PHF20: variants seen among roughly 807,000 people sequenced by gnomAD.
PHF20 encodes the protein PHD finger protein 20.
PHF20 carries 23 observed loss-of-function variants against 113.5 expected under a neutral mutation model. The observed-to-expected ratio is 0.20, with a 90% CI of 0.15 to 0.29. The LOEUF is 0.29. PHF20 is among the 10% of genes least tolerant of loss of function. PHF20 has a pLI of 1.00. For missense variants in PHF20, 943 were observed against 1,219.6 expected (o/e 0.77, Z 3.38); for synonymous variants, 434 against 457.3 (o/e 0.95, Z 0.65).
intron 8 of PHF20, 68 bp downstream of exon 8, chr20:35,871,202 AT>A: frequency 1.6e-6 from 2 of 1,244,914 alleles, no homozygotes; most frequent in Non-Finnish European, 1.1e-6. Context: ...AATGTAAATC[AT>A]TATGTTCTGC....
chr20:35,931,414 A>G lies in PHF20; in HGVS notation c.2270A>G (p.His757Arg), dbSNP rs752903135. ...GDVQRVIEVL[H>R]GLQLKMSILQ... Reference sequence around the variant, plus strand: ...GTGCAGAGAGTGATTGAGGTTCTGCATGGCCTGCAGCTCAAGATGAGCATC... The same window carrying G: ...GTGCAGAGAGTGATTGAGGTTCTGCGTGGCCTGCAGCTCAAGATGAGCATC... Residue 757 changes from histidine to arginine, a missense_variant, in exon 15 of 18, where the codon CAT (histidine) becomes CGT (arginine). Around this residue, in one of 3 missense-constraint regions of PHF20, gnomAD observed 349 missense variants for 412.3 expected, o/e 0.85. Transcript: ENST00000374012. 3.1e-6 allele frequency: 5 copies of G among 1,613,430 alleles called. No homozygotes were observed. Among genetic ancestry groups the G allele is most frequent in the South Asian group, 1.1e-5 (1 of 91,074 alleles).
At chr20:35,798,673 C>G (rs1340011400) in intron 1 of PHF20, among the ~76,000 whole-genome samples, 1 of 151,984 alleles carries the variant, frequency 6.6e-6, no homozygotes, top group Non-Finnish European at 1.5e-5. Context: ...AGGCTGGTCT[C>G]AAACTCCTGA....
intron 17 of PHF20, 85 bp downstream of exon 17, chr20:35,941,132 G>A: frequency 9.2e-7 from 1 of 1,086,950 alleles, no homozygotes; most frequent in South Asian, 1.5e-5. Context: ...CCCAGTCTGA[G>A]TTTACAGGGA....
At chr20:35,844,126 G>T (rs996783991) in intron 3 of PHF20, among the ~76,000 whole-genome samples, 3 of 151,492 alleles carry the variant, frequency 2.0e-5, no homozygotes, top group South Asian at 2.1e-4. Context: ...TTTTTGAGAC[G>T]GGGTCTTGCT....
intron 4 of PHF20, among the ~76,000 whole-genome samples, chr20:35,851,772 T>A (rs1310955145): frequency 6.6e-6 from 1 of 151,870 alleles, no homozygotes; most frequent in African/African-American, 2.4e-5. Flanking sequence ...AAAATTAACC[T>A]GGCGTGGTAG....
chr20:35,805,419 G>C (rs1036621924), intron 2 of PHF20, among the ~76,000 whole-genome samples: 4 of 149,592 alleles, frequency 2.7e-5, no homozygotes, highest in Non-Finnish European at 4.4e-5. Flanking sequence ...GTCTTGCTCT[G>C]TCGCCCAGGC....
intron 10 of PHF20, among the ~76,000 whole-genome samples, chr20:35,904,457 G>A (rs966484140): frequency 6.6e-6 from 1 of 151,626 alleles, no homozygotes; most frequent in Non-Finnish European, 1.5e-5. Context: ...GCTAATTTTT[G>A]TATTTTTAGT....
At chr20:35,842,330 ACT>A (rs570012415) in intron 2 of PHF20, among the ~76,000 whole-genome samples, 170 of 152,212 alleles carry the variant, frequency 1.1e-3, no homozygotes, top group Admixed American at 1.6e-3. Flanking sequence ...ACAGAGCGAG[ACT>A]CTGTCTCAAA....
intron 1 of PHF20, among the ~76,000 whole-genome samples, chr20:35,776,355 C>G (rs889562181): frequency 6.6e-6 from 1 of 152,104 alleles, no homozygotes; most frequent in East Asian, 1.9e-4. Context: ...GTTCCCCGAC[C>G]TCGAATGGAA....
intron 9 of PHF20, among the ~76,000 whole-genome samples, chr20:35,894,611 G>C (rs1160607986): frequency 6.6e-6 from 1 of 152,216 alleles, no homozygotes; most frequent in Non-Finnish European, 1.5e-5. Flanking sequence ...AGTCATAGTA[G>C]ATAATATTGA....
Position 35,851,576 on chromosome 20 carries a change from C to T in PHF20, c.340+4142C>T, listed in dbSNP as rs560600687. 1.2e-4 allele frequency among the ~76,000 whole-genome samples: 18 copies of T among 151,818 alleles called. No individual in the cohort carries two copies. In the East Asian group the frequency reaches 3.3e-3, roughly 28 times the overall value. Reference sequence around the variant, plus strand: ...GGGAAGAGGGATTGTGCTTCCCCCCCAACCCCCACCCCGCCCCTTTTTTTT... The same window carrying T: ...GGGAAGAGGGATTGTGCTTCCCCCCTAACCCCCACCCCGCCCCTTTTTTTT... On this transcript the variant is annotated intron_variant, in intron 4 of 17. Coordinates refer to ENST00000374012, the MANE Select transcript of PHF20 (RefSeq NM_016436.5).
At chr20:35,930,046 GT>G (rs2147112325) in intron 14 of PHF20, among the ~76,000 whole-genome samples, 1 of 152,322 alleles carries the variant, frequency 6.6e-6, no homozygotes, top group South Asian at 2.1e-4. Flanking sequence ...ATGTTGATAA[GT>G]CACATGTGCT....
intron 15 of PHF20, among the ~76,000 whole-genome samples, chr20:35,937,865 T>C (rs868052401): frequency 2.6e-5 from 4 of 152,096 alleles, no homozygotes; most frequent in African/African-American, 9.7e-5. Flanking sequence ...TTTGTTGTTG[T>C]TGTTGTTTTG....
chr20:35,780,221 C>CTTTTTTTTT (rs930285446), intron 1 of PHF20, among the ~76,000 whole-genome samples: 3 of 123,270 alleles, frequency 2.4e-5, no homozygotes, highest in Non-Finnish European at 3.4e-5. Flanking sequence ...CCCCAGATTT[C>CTTTTTTTTT]TTTTTTTTTT....
At chr20:35,801,456 C>A in intron 1 of PHF20, 35 bp from the exon 2 acceptor site, 1 of 1,152,968 alleles carries the variant, frequency 8.7e-7, no homozygotes, top group Non-Finnish European at 1.3e-6. Context: ...GTGGACTTTG[C>A]CTAAGTTTCA....
intron 2 of PHF20, among the ~76,000 whole-genome samples, chr20:35,817,455 G>A (rs2042096450): frequency 6.6e-6 from 1 of 152,058 alleles, no homozygotes; most frequent in Admixed American, 6.5e-5. Context: ...CCAAAGTGCT[G>A]GGATTACAGG....
chr20:35,938,683 T>G lies in PHF20; in HGVS notation c.2301-14T>G. ...GTTACTCCAAAGCCCATGTCCTCTT[T>G]GTCCTCTCAACAGAAGCCGGGAGCA... is the stretch of plus-strand genomic sequence containing the variant. On this transcript the variant is annotated splice_polypyrimidine_tract_variant and intron_variant, in intron 15 of 17. Coordinates refer to ENST00000374012, the MANE Select transcript of PHF20 (RefSeq NM_016436.5). 6.3e-7 allele frequency: 1 copy of G among 1,588,508 alleles called. No homozygotes were observed. Among genetic ancestry groups the G allele is most frequent in the Non-Finnish European group, 8.6e-7 (1 of 1,168,900 alleles).
At chr20:35,825,177 A>G (rs559529502) in intron 2 of PHF20, among the ~76,000 whole-genome samples, 2 of 152,296 alleles carry the variant, frequency 1.3e-5, no homozygotes, top group South Asian at 4.1e-4. Context: ...CCCACCAGCA[A>G]TGGGAATCCT....
Position 35,949,319 on chromosome 20 carries a change from G to A in PHF20, c.*1692G>A, listed in dbSNP as rs1050232023. 2.6e-5 allele frequency: 4 copies of A among 152,534 alleles called. No homozygotes were observed. Among genetic ancestry groups the A allele is most frequent in the African/African-American group, 9.6e-5 (4 of 41,460 alleles). The allele number at this position is 152,534 out of a possible 1,614,324, so 9.4% of individuals were successfully genotyped here. A position where few individuals can be genotyped will look rare whatever the true frequency, so the allele number is the denominator to read the frequency against. ...GAGTTCTGTCATGCAGTCTGAAAAG[G>A]GAAGAAACAGGATGGCTTTCTGTAG... On this transcript the variant is annotated 3_prime_UTR_variant, in exon 18 of 18. Transcript: ENST00000374012.
Sources: gnomAD v4.1 joint callset for allele counts (sites outside exome capture counted in the v4.1 genomes callset) on GRCh38, gnomAD v4.1.1 for gene constraint, gnomAD v4.1.1 regional missense constraint, MANE v1.5 for transcripts, NCBI Gene and HGNC (gene_info 2026-07-23, HGNC 2026-07-21) for gene names.